OR9Q1: variants seen among roughly 807,000 people sequenced by gnomAD.
OR9Q1 encodes the protein olfactory receptor family 9 subfamily Q member 1.
For synonymous variants in OR9Q1, 153 were observed against 148.6 expected (o/e 1.03, Z -0.22); for missense variants, 374 against 378.8 (o/e 0.99, Z 0.11).
intron 2 of OR9Q1, among the ~76,000 whole-genome samples, chr11:58,062,947 G>A (rs140214266): frequency 1.4e-4 from 22 of 152,250 alleles, no homozygotes; most frequent in South Asian, 6.2e-4. Context: ...GTGCCCTGGA[G>A]TTATGGTTAT....
intron 2 of OR9Q1, among the ~76,000 whole-genome samples, chr11:58,084,737 A>C (rs1447615066): frequency 6.6e-6 from 1 of 151,958 alleles, no homozygotes; most frequent in Non-Finnish European, 1.5e-5. Context: ...TATAAAATGC[A>C]ACATCCTTTC....
chr11:58,078,761 G>T (rs1853562906), intron 2 of OR9Q1, among the ~76,000 whole-genome samples: 1 of 152,262 alleles, frequency 6.6e-6, no homozygotes, highest in East Asian at 1.9e-4. Flanking sequence ...ACCCATCATT[G>T]GTATTTTCTC....
rs983583640 is a variant in OR9Q1 at position 58,175,812 on chromosome 11, C to CT, written c.-14-3608dup. ...AATTATTCTGTTTTTCCTTATCTTCCTTTTTTTTTTTGAATTGAGACATGT... is the reference window on the plus strand; with the variant it reads ...AATTATTCTGTTTTTCCTTATCTTCCTTTTTTTTTTTTGAATTGAGACATGT... On this transcript the variant is annotated intron_variant, in intron 2 of 2. Coordinates refer to ENST00000335397, the MANE Select transcript of OR9Q1 (RefSeq NM_001005212.4). Among the ~76,000 whole-genome samples, 320 of 145,098 alleles carry CT rather than the reference C, an allele frequency of 2.2e-3. 3 individuals carry two copies. The highest frequency in any genetic ancestry group is 7.0e-3 in the Middle Eastern group (2 of 286).
intron 2 of OR9Q1, among the ~76,000 whole-genome samples, chr11:58,140,961 A>G (rs934238863): frequency 6.6e-6 from 1 of 151,934 alleles, no homozygotes; most frequent in Non-Finnish European, 1.5e-5. Flanking sequence ...CTTTTATTTC[A>G]TTGAGTAGTG....
At chr11:58,029,559 A>G (rs1269021266) in intron 1 of OR9Q1, among the ~76,000 whole-genome samples, 1 of 152,072 alleles carries the variant, frequency 6.6e-6, no homozygotes, top group Non-Finnish European at 1.5e-5. Flanking sequence ...GAGATATTAT[A>G]TTTTCTCATT....
At chr11:58,079,936 G>T (rs926848830) in intron 2 of OR9Q1, among the ~76,000 whole-genome samples, 1 of 152,196 alleles carries the variant, frequency 6.6e-6, no homozygotes, top group Non-Finnish European at 1.5e-5. Context: ...GTGAATGGTT[G>T]TTGGTTAAAC....
rs538046258 is a variant in OR9Q1, at chr11:58,094,029, C to T, written c.-15+38082C>T. On this transcript the variant is annotated intron_variant, in intron 2 of 2. Coordinates refer to ENST00000335397, the MANE Select transcript of OR9Q1 (RefSeq NM_001005212.4). ...CACAGCACTATTCACAAAAACAAAG[C>T]TATGGAATAAACCTAAGTGTTCATT... 2.5e-4 allele frequency among the ~76,000 whole-genome samples: 38 copies of T among 152,138 alleles called. 1 individual carries two copies. In the South Asian group the frequency reaches 3.3e-3, roughly 13 times the overall value.
chr11:58,082,706 C>T (rs1853599545), intron 2 of OR9Q1, among the ~76,000 whole-genome samples: 1 of 144,066 alleles, frequency 6.9e-6, no homozygotes, highest in Non-Finnish European at 1.5e-5. Context: ...TGTAACTAAC[C>T]TGCACATTGT....
At chr11:58,059,915 T>G (rs888773938) in intron 2 of OR9Q1, 3 of 152,068 alleles carry the variant, frequency 2.0e-5, no homozygotes, top group African/African-American at 4.8e-5. Flanking sequence ...CGTGCTGTAT[T>G]CTCTACTTGC....
chr11:58,179,007 A>AG (rs1491322560), intron 2 of OR9Q1, among the ~76,000 whole-genome samples: 6,412 of 133,840 alleles, frequency 0.048, 495 homozygotes, highest in African/African-American at 0.17. Flanking sequence ...AGAGAGAAAG[A>AG]AAGAAAGAGA....
intron 1 of OR9Q1, among the ~76,000 whole-genome samples, chr11:58,033,814 G>A (rs1192056036): frequency 6.6e-6 from 1 of 152,118 alleles, no homozygotes; most frequent in Non-Finnish European, 1.5e-5. Context: ...GGGAGCTATG[G>A]TCTGAATAGT....
chr11:58,027,594 G>C (rs1238588111), intron 1 of OR9Q1, among the ~76,000 whole-genome samples: 1 of 152,118 alleles, frequency 6.6e-6, no homozygotes, highest in African/African-American at 2.4e-5. Flanking sequence ...CCTGCTCCAG[G>C]AAGAAGTGAG....
intron 2 of OR9Q1, among the ~76,000 whole-genome samples, chr11:58,143,860 A>G (rs1854273965): frequency 6.6e-6 from 1 of 152,120 alleles, no homozygotes; most frequent in African/African-American, 2.4e-5. Flanking sequence ...AGAACTTAAC[A>G]AATAAAATAA....
At chr11:58,172,557 G>A (rs1426147682) in intron 2 of OR9Q1, among the ~76,000 whole-genome samples, 2 of 152,052 alleles carry the variant, frequency 1.3e-5, no homozygotes, top group Non-Finnish European at 2.9e-5. Context: ...TGTAGATGAG[G>A]AAGTCAAAAT....
At chr11:58,068,115 G>A (rs954610949) in intron 2 of OR9Q1, among the ~76,000 whole-genome samples, 7 of 151,642 alleles carry the variant, frequency 4.6e-5, no homozygotes, top group African/African-American at 1.5e-4. Context: ...GAGGTGGGTG[G>A]ATTACCTGAG....
At chr11:58,146,570 AC>A (rs1854301169) in intron 2 of OR9Q1, among the ~76,000 whole-genome samples, 1 of 152,210 alleles carries the variant, frequency 6.6e-6, no homozygotes, top group South Asian at 2.1e-4. Flanking sequence ...TAGATAATCA[AC>A]CATTGCACAG....
intron 2 of OR9Q1, among the ~76,000 whole-genome samples, chr11:58,059,358 C>G (rs1032535423): frequency 4.0e-5 from 6 of 151,836 alleles, no homozygotes; most frequent in Admixed American, 3.9e-4. Flanking sequence ...TATATAAATT[C>G]CAAAGCAGCA....
At chr11:58,093,744 A>G (rs921557779) in intron 2 of OR9Q1, among the ~76,000 whole-genome samples, 1 of 129,432 alleles carries the variant, frequency 7.7e-6, no homozygotes. Flanking sequence ...TGGATGACAG[A>G]GCGAGACTTC....
chr11:58,060,794 A>C (rs904051466), intron 2 of OR9Q1, among the ~76,000 whole-genome samples: 1 of 96,762 alleles, frequency 1.0e-5, no homozygotes, highest in African/African-American at 4.6e-5. Flanking sequence ...TTAAGAGAGC[A>C]CTTTTTTTTT....
Sources: allele counts gnomAD v4.1 joint callset (sites outside exome capture counted in the v4.1 genomes callset), GRCh38; gene constraint gnomAD v4.1.1; transcripts MANE v1.5; gene names NCBI Gene and HGNC (gene_info 2026-07-23, HGNC 2026-07-21).